Variants in RAD51B observed in about 807,000 individuals in gnomAD.
The protein encoded by RAD51B is RAD51 paralog B.
Under a neutral mutation model 42.2 loss-of-function variants are expected in RAD51B, and 38 were observed. The ratio of observed to expected loss-of-function variants is 0.90; its 90% CI spans 0.70 to 1.18. RAD51B has a LOEUF of 1.18. Among genes scored for constraint, RAD51B ranks in the 50% most tolerant of loss-of-function variants. RAD51B has a pLI of 0.00. For missense variants in RAD51B, 373 were observed against 400.7 expected (o/e 0.93, Z 0.59); for synonymous variants, 154 against 145.2 (o/e 1.06, Z -0.43).
At chr14:68,660,911 T>C (rs962096618) in intron 11 of RAD51B, among the ~76,000 whole-genome samples, 1 of 151,778 alleles carries the variant, frequency 6.6e-6, no homozygotes, top group Non-Finnish European at 1.5e-5. Flanking sequence ...AATGAGGGAG[T>C]CCTGCTTGCT....
intron 7 of RAD51B, among the ~76,000 whole-genome samples, chr14:68,150,834 CA>C (rs928224164): frequency 3.3e-5 from 5 of 152,098 alleles, no homozygotes; most frequent in African/African-American, 1.2e-4. Flanking sequence ...ACTTTACATA[CA>C]GTATAAGAAC....
At chr14:68,286,542 C>G (rs2081417396) in intron 7 of RAD51B, among the ~76,000 whole-genome samples, 1 of 152,160 alleles carries the variant, frequency 6.6e-6, no homozygotes, top group South Asian at 2.1e-4. Context: ...TGTCTTCAGG[C>G]CTGGCCATTT....
In RAD51B at chr14:68,217,295, C is replaced by T. The variant is rs2079836039; in HGVS notation, c.757-74589C>T. On this transcript the variant is annotated intron_variant, in intron 7 of 10. Coordinates refer to ENST00000471583, the MANE Select transcript of RAD51B (RefSeq NM_133510.4). ...TCTTTTCTAAATCCAGCCCTCCTCC[C>T]CCTTAAAATCTTATGTTATCAGTTA... Among the ~76,000 whole-genome samples, 3 of 152,154 alleles carry T rather than the reference C, an allele frequency of 2.0e-5. No homozygotes were observed. In the South Asian group the frequency reaches 6.2e-4, roughly 32 times the overall value.
intron 10 of RAD51B, among the ~76,000 whole-genome samples, chr14:68,580,204 C>T (rs1206472896): frequency 6.6e-6 from 1 of 152,224 alleles, no homozygotes; most frequent in Non-Finnish European, 1.5e-5. Context: ...TTTCTCTCCT[C>T]CATGTTCTGG....
rs546831007 is a variant in RAD51B at position 68,221,801 on chromosome 14, C to T, written c.757-70083C>T. Among the ~76,000 whole-genome samples, 6 of 152,242 alleles carry T rather than the reference C, an allele frequency of 3.9e-5. No individual in the cohort carries two copies. The East Asian group carries it at 1.2e-3, about 29-fold the overall frequency. ...CAAAATCTATACATGTGACAAAGGA[C>T]TAATATCCAGAATCTAAAAAGAACT... is the stretch of plus-strand genomic sequence containing the variant. On this transcript the variant is annotated intron_variant, in intron 7 of 10. Coordinates refer to ENST00000471583, the MANE Select transcript of RAD51B (RefSeq NM_133510.4).
intron 10 of RAD51B, among the ~76,000 whole-genome samples, chr14:68,627,603 C>G (rs1224888239): frequency 6.6e-6 from 1 of 152,180 alleles, no homozygotes; most frequent in East Asian, 1.9e-4. Flanking sequence ...CACAATAACT[C>G]ACTTCTAAGC....
At chr14:68,228,444 T>C (rs932006988) in intron 7 of RAD51B, among the ~76,000 whole-genome samples, 1 of 152,232 alleles carries the variant, frequency 6.6e-6, no homozygotes, top group African/African-American at 2.4e-5. Flanking sequence ...TCATTATTCT[T>C]ACTAGATTTA....
intron 7 of RAD51B, among the ~76,000 whole-genome samples, chr14:68,062,569 G>A (rs1038744439): frequency 1.3e-5 from 2 of 151,930 alleles, no homozygotes; most frequent in Admixed American, 6.6e-5. Flanking sequence ...TGAGGCAGGC[G>A]GATCACTTGA....
chr14:68,209,136 A>C (rs1323794514), intron 7 of RAD51B, among the ~76,000 whole-genome samples: 1 of 152,208 alleles, frequency 6.6e-6, no homozygotes, highest in Non-Finnish European at 1.5e-5. Context: ...AGACTTGAAG[A>C]CTTGCAACTC....
rs543294135 is a variant in RAD51B at position 68,023,838 on chromosome 14, T to C, written c.756+136634T>C. 1.1e-4 allele frequency among the ~76,000 whole-genome samples: 16 copies of C among 152,360 alleles called. No individual in the cohort carries two copies. The East Asian group carries it at 3.1e-3, about 29-fold the overall frequency. ...AGTTTCTTTTGCTGTGTGGAAGTTC[T>C]TTACTTTAATTAGGTCCCACTTGTC... On this transcript the variant is annotated intron_variant, in intron 7 of 10. Transcript: ENST00000471583.
chr14:67,899,918 T>C (rs2043552242), intron 7 of RAD51B, among the ~76,000 whole-genome samples: 1 of 152,256 alleles, frequency 6.6e-6, no homozygotes, highest in South Asian at 2.1e-4. Flanking sequence ...TCCAGATATG[T>C]GTGATTACAA....
At chr14:68,023,199 C>T (rs978608261) in intron 7 of RAD51B, among the ~76,000 whole-genome samples, 2 of 152,188 alleles carry the variant, frequency 1.3e-5, no homozygotes, top group African/African-American at 4.8e-5. Flanking sequence ...GGCCAATTGA[C>T]AGCTCTGTTG....
chr14:67,887,360 G>A (rs564790167), intron 7 of RAD51B, 156 bp downstream of exon 7: 10 of 532,498 alleles, frequency 1.9e-5, no homozygotes, highest in Admixed American at 7.5e-5. Flanking sequence ...AGCAAACATC[G>A]CCATCATCTT....
At chr14:68,077,780 A>G (rs1221460572) in intron 7 of RAD51B, among the ~76,000 whole-genome samples, 1 of 152,162 alleles carries the variant, frequency 6.6e-6, no homozygotes, top group South Asian at 2.1e-4. Context: ...ACATGGTGAA[A>G]CCCTGTCTCT....
chr14:68,482,873 GT>G (rs1566908466), downstream of RAD51B, among the ~76,000 whole-genome samples: 1 of 152,166 alleles, frequency 6.6e-6, no homozygotes, highest in African/African-American at 2.4e-5. Flanking sequence ...GACACATTTG[GT>G]TTTGTTCCCT....
intron 7 of RAD51B, among the ~76,000 whole-genome samples, chr14:67,923,495 C>T (rs1416085627): frequency 6.6e-6 from 1 of 151,820 alleles, no homozygotes; most frequent in Admixed American, 6.6e-5. Context: ...GACGGGGTTT[C>T]TCCATGTTGT....
chr14:68,475,557 T>C (rs1342051427), intron 10 of RAD51B, among the ~76,000 whole-genome samples: 2 of 152,210 alleles, frequency 1.3e-5, no homozygotes, highest in Non-Finnish European at 2.9e-5. Context: ...GTTTTGCTTT[T>C]ATGCAGTATC....
intron 4 of RAD51B, among the ~76,000 whole-genome samples, chr14:67,837,699 C>T (rs1182905203): frequency 6.6e-6 from 1 of 151,972 alleles, no homozygotes; most frequent in Admixed American, 6.6e-5. Flanking sequence ...TTATGGGGTA[C>T]AGTGTGATAT....
chr14:68,469,942 G>A (rs576981758), intron 10 of RAD51B, among the ~76,000 whole-genome samples: 4 of 152,210 alleles, frequency 2.6e-5, no homozygotes, highest in Non-Finnish European at 5.9e-5. Context: ...TTTGTGAGAA[G>A]AAGAGTCACT....
Sources: gnomAD v4.1 joint callset for allele counts (sites outside exome capture counted in the v4.1 genomes callset) on GRCh38, gnomAD v4.1.1 for gene constraint, MANE v1.5 for transcripts, NCBI Gene and HGNC (gene_info 2026-07-23, HGNC 2026-07-21) for gene names.